SULF2: variants seen among roughly 807,000 people sequenced by gnomAD.
SULF2 encodes extracellular sulfatase Sulf-2.
Under a neutral mutation model 107.7 loss-of-function variants are expected in SULF2, and 52 were observed. The ratio of observed to expected loss-of-function variants is 0.48; its 90% CI spans 0.39 to 0.61. The LOEUF is 0.61. Ranked by LOEUF, SULF2 falls within the 20% of genes least tolerant of loss-of-function variation. The probability of loss-of-function intolerance (pLI) is 0.00; values close to 1 mark genes in which losing one functional copy is unlikely to be tolerated. For synonymous variants in SULF2, 460 were observed against 464.3 expected, an observed-to-expected ratio of 0.99 and a Z score of 0.12; for missense variants, 993 against 1,177.3, an observed-to-expected ratio of 0.84 and a Z score of 2.29.
At chr20:47,742,345 C>A (rs2089904476) in intron 2 of SULF2, among the ~76,000 whole-genome samples, 1 of 152,244 alleles carries the variant, frequency 6.6e-6, no homozygotes, top group South Asian at 2.1e-4. Context: ...CAGCCAACCT[C>A]AACTTCTTTC....
rs2086946484 is a variant in SULF2, at chr20:47,657,943, C to G, written c.*419G>C. 6.0e-5 allele frequency: 12 copies of G among 200,258 alleles called. 1 individual carries two copies. In the South Asian group the frequency reaches 1.1e-3, roughly 18 times the overall value. 12.4% of individuals were successfully genotyped at this position (200,258 alleles called of 1,614,324 possible). On this transcript the variant is annotated 3_prime_UTR_variant, in exon 21 of 21. Transcript: ENST00000688720. ...TTCTTAGTTCCTTCTTTGTGACAAACCAAAAGAATAAGAGGATTTAGAACA... is the reference window on the plus strand; with the variant it reads ...TTCTTAGTTCCTTCTTTGTGACAAAGCAAAAGAATAAGAGGATTTAGAACA...
intron 1 of SULF2, among the ~76,000 whole-genome samples, chr20:47,769,880 T>C (rs574452466): frequency 2.6e-5 from 4 of 151,858 alleles, no homozygotes; most frequent in Admixed American, 2.0e-4. Flanking sequence ...GGAGGGAACA[T>C]GCCTTGTGGA....
At chr20:47,671,139 C>T (rs2087456339) in intron 11 of SULF2, among the ~76,000 whole-genome samples, 1 of 152,196 alleles carries the variant, frequency 6.6e-6, no homozygotes, top group South Asian at 2.1e-4. Flanking sequence ...AGCCTTCTGG[C>T]TGGGTCTAGA....
In SULF2 at chr20:47,736,688, C is replaced by A. The variant is rs543475935; in HGVS notation, c.415+15G>T. The A allele has an allele frequency of 1.2e-6, 2 of 1,613,908 alleles. No homozygotes were observed. Among genetic ancestry groups the A allele is most frequent in the Non-Finnish European group, 1.7e-6 (2 of 1,179,968 alleles). On this transcript the variant is annotated intron_variant, in intron 3 of 20. Coordinates refer to ENST00000688720, the MANE Select transcript of SULF2 (RefSeq NM_001387048.1). ...CTGTCACTCCCTTCCTGCACCTGCC[C>A]CCGTCCCTGCTCACCTGTCCGGTAG...
intron 10 of SULF2, among the ~76,000 whole-genome samples, chr20:47,674,846 G>A (rs1231546722): frequency 2.6e-5 from 4 of 152,102 alleles, no homozygotes; most frequent in Admixed American, 1.3e-4. Context: ...AACGGCACTC[G>A]GGGAGTACCG....
chr20:47,761,573 C>CTTGATGCAAATAGCTTCCCAGGCTTCGCG (rs1289198628), intron 1 of SULF2, among the ~76,000 whole-genome samples: 6 of 152,246 alleles, frequency 3.9e-5, no homozygotes, highest in Non-Finnish European at 5.9e-5. Flanking sequence ...ATCAGTGGAA[C>CTTGATGCAAATAGCTTCCCAGGCTTCGCG]TTGATGCAAA....
intron 2 of SULF2, among the ~76,000 whole-genome samples, chr20:47,737,275 G>A (rs906473488): frequency 1.3e-5 from 2 of 151,390 alleles, no homozygotes; most frequent in African/African-American, 4.9e-5. Context: ...GTAAAAACCT[G>A]TTTATAAATG....
chr20:47,743,429 C>A (rs543290923), intron 2 of SULF2, among the ~76,000 whole-genome samples: 149 of 152,272 alleles, frequency 9.8e-4, no homozygotes, highest in African/African-American at 3.4e-3. Context: ...CCCACCTCCA[C>A]CTCCTGAGTA....
At chr20:47,665,149 G>A in intron 14 of SULF2, 50 bp downstream of exon 14, 1 of 1,176,342 alleles carries the variant, frequency 8.5e-7, no homozygotes, top group Non-Finnish European at 1.3e-6. Context: ...GAACTGAACT[G>A]TCCTGTAGGA....
chr20:47,710,488 G>T (rs1468312188), intron 3 of SULF2, among the ~76,000 whole-genome samples: 1 of 151,850 alleles, frequency 6.6e-6, no homozygotes, highest in Non-Finnish European at 1.5e-5. Context: ...CAGAGCCTAG[G>T]TGTGTAGTAG....
At chr20:47,784,539 C>G (rs777167042) in intron 1 of SULF2, among the ~76,000 whole-genome samples, 2 of 152,060 alleles carry the variant, frequency 1.3e-5, no homozygotes, top group African/African-American at 2.4e-5. Context: ...TTTCCATCTT[C>G]CACCCCGAGA....
At chr20:47,714,943 G>A (rs1450383470) in intron 3 of SULF2, among the ~76,000 whole-genome samples, 1 of 152,024 alleles carries the variant, frequency 6.6e-6, no homozygotes. Flanking sequence ...TCCAATACAG[G>A]GTCGCACTCT....
At chr20:47,729,168 C>A (rs1201069526) in intron 3 of SULF2, among the ~76,000 whole-genome samples, 1 of 152,186 alleles carries the variant, frequency 6.6e-6, no homozygotes, top group African/African-American at 2.4e-5. Flanking sequence ...AAGTGCAAAG[C>A]ACTGTGAGTG....
chr20:47,713,662 A>G (rs547067083), intron 3 of SULF2, among the ~76,000 whole-genome samples: 31 of 152,102 alleles, frequency 2.0e-4, no homozygotes, highest in Admixed American at 1.5e-3. Flanking sequence ...AAGTAGGAGG[A>G]TCACTTGAGC....
chr20:47,714,352 AC>A (rs1438755210), intron 3 of SULF2, among the ~76,000 whole-genome samples: 1 of 152,162 alleles, frequency 6.6e-6, no homozygotes, highest in Non-Finnish European at 1.5e-5. Flanking sequence ...TGTGATCCAT[AC>A]ATCCGTCAAT....
intron 1 of SULF2, among the ~76,000 whole-genome samples, chr20:47,783,720 C>G (rs2090871808): frequency 6.6e-6 from 1 of 152,176 alleles, no homozygotes; most frequent in Non-Finnish European, 1.5e-5. Context: ...AACATCACGG[C>G]CTTTATGTAT....
intron 2 of SULF2, among the ~76,000 whole-genome samples, chr20:47,737,471 C>A (rs1438489414): frequency 3.3e-5 from 5 of 152,182 alleles, no homozygotes; most frequent in Non-Finnish European, 7.3e-5. Context: ...TCTGGTCATG[C>A]CAACCTGGTG....
At position 47,770,788 on chromosome 20, in the gene SULF2, C is replaced by T. The variant is rs115326333; in HGVS notation, c.-100-13325G>A. 5.7e-3 allele frequency among the ~76,000 whole-genome samples: 870 copies of T among 152,172 alleles called. 6 individuals are homozygous for T. The highest frequency in any genetic ancestry group is 0.019 in the African/African-American group (785 of 41,518). ...CTTGGGAGGGGCTGCGGAGTGGGCACCTCCATGTGGCCTCAGTGTGGCTTG... is the reference window on the plus strand; with the variant it reads ...CTTGGGAGGGGCTGCGGAGTGGGCATCTCCATGTGGCCTCAGTGTGGCTTG... On this transcript the variant is annotated intron_variant, in intron 1 of 20. Coordinates refer to ENST00000688720, the MANE Select transcript of SULF2 (RefSeq NM_001387048.1).
chr20:47,770,118 C>T (rs527457661), intron 1 of SULF2, among the ~76,000 whole-genome samples: 6 of 138,256 alleles, frequency 4.3e-5, no homozygotes, highest in Middle Eastern at 4.2e-3. Flanking sequence ...TGGAGTGCAG[C>T]GGCACGAACA....
Sources: gnomAD v4.1 joint callset for allele counts (sites outside exome capture counted in the v4.1 genomes callset) on GRCh38, gnomAD v4.1.1 for gene constraint, MANE v1.5 for transcripts, NCBI Gene and HGNC (gene_info 2026-07-23, HGNC 2026-07-21) for gene names.